Variants in SGPP2 observed in about 807,000 individuals in gnomAD.
SGPP2 encodes sphingosine 1-phosphate phosphohydrolase 2.
Under a neutral mutation model 33.9 loss-of-function variants are expected in SGPP2, and 30 were observed. That is an observed-to-expected ratio of 0.89 (90% confidence interval 0.66 to 1.20). The LOEUF (loss-of-function observed/expected upper bound fraction) is 1.20. Ranked by LOEUF, SGPP2 falls within the 50% of genes most tolerant of loss-of-function variation. The pLI, the probability that SGPP2 is intolerant of heterozygous loss-of-function variation, is 0.00. For missense variants in SGPP2, 458 were observed against 532.1 expected, an observed-to-expected ratio of 0.86 and a Z score of 1.37; for synonymous variants, 233 against 225.0, an observed-to-expected ratio of 1.04 and a Z score of -0.32.
At chr2:222,556,556 C>T (rs1357816293) in intron 4 of SGPP2, among the ~76,000 whole-genome samples, 1 of 129,082 alleles carries the variant, frequency 7.7e-6, no homozygotes, top group Non-Finnish European at 1.7e-5. Flanking sequence ...CACCCTCACT[C>T]CTCCCCCATC....
intron 1 of SGPP2, among the ~76,000 whole-genome samples, chr2:222,450,207 C>G (rs1003311498): frequency 6.6e-6 from 1 of 152,200 alleles, no homozygotes; most frequent in Admixed American, 6.5e-5. Context: ...ACGTTATTTA[C>G]TAGCAGACCA....
At chr2:222,427,270 T>A (rs1697084812) in intron 1 of SGPP2, among the ~76,000 whole-genome samples, 1 of 152,220 alleles carries the variant, frequency 6.6e-6, no homozygotes, top group Non-Finnish European at 1.5e-5. Flanking sequence ...TTTTAAACTT[T>A]TTTTTTAAGA....
At chr2:222,549,031 C>T (rs779805986) in intron 4 of SGPP2, among the ~76,000 whole-genome samples, 2 of 152,202 alleles carry the variant, frequency 1.3e-5, no homozygotes, top group South Asian at 2.1e-4. Flanking sequence ...ACAAAGCATT[C>T]GCAGCATCTG....
chr2:222,466,353 G>A (rs1697745769), intron 1 of SGPP2, among the ~76,000 whole-genome samples: 1 of 150,922 alleles, frequency 6.6e-6, no homozygotes, highest in African/African-American at 2.4e-5. Context: ...CCACCTCCTG[G>A]GTTCAAGCGA....
chr2:222,507,291 T>C (rs1244141266), intron 2 of SGPP2, among the ~76,000 whole-genome samples: 1 of 152,114 alleles, frequency 6.6e-6, no homozygotes, highest in Non-Finnish European at 1.5e-5. Flanking sequence ...GAAAGAGTCT[T>C]TGGTTAGTAA....
intron 1 of SGPP2, among the ~76,000 whole-genome samples, chr2:222,470,548 G>A (rs1697822474): frequency 6.6e-6 from 1 of 152,212 alleles, no homozygotes; most frequent in African/African-American, 2.4e-5. Flanking sequence ...CCTGTCTAAA[G>A]ATATTAGTTA....
chr2:222,425,232 T>G, intron 1 of SGPP2, among the ~76,000 whole-genome samples: 1 of 135,554 alleles, frequency 7.4e-6, no homozygotes. Context: ...CCCATCCCCC[T>G]TCCCTGATGC....
chr2:222,509,142 A>T (rs1048045677), intron 2 of SGPP2, among the ~76,000 whole-genome samples: 3 of 152,074 alleles, frequency 2.0e-5, no homozygotes, highest in Admixed American at 1.3e-4. Flanking sequence ...AAAAAAAAAG[A>T]CTGAACATTG....
chr2:222,555,815 TAAGTA>T (rs1689387067), intron 4 of SGPP2, among the ~76,000 whole-genome samples: 1 of 152,138 alleles, frequency 6.6e-6, no homozygotes, highest in Non-Finnish European at 1.5e-5. Flanking sequence ...AAAGGTCTGA[TAAGTA>T]AAGGGTTTAA....
chr2:222,429,756 C>T (rs1196283239), intron 1 of SGPP2, among the ~76,000 whole-genome samples: 1 of 152,094 alleles, frequency 6.6e-6, no homozygotes, highest in East Asian at 1.9e-4. Context: ...ATAAAATGTC[C>T]AGACTTGAAA....
chr2:222,440,230 G>A (rs1697303661), intron 1 of SGPP2, among the ~76,000 whole-genome samples: 1 of 152,220 alleles, frequency 6.6e-6, no homozygotes. Context: ...ACTGACTGCT[G>A]CTATGTGCCA....
chr2:222,557,093 T>G (rs1689424608), intron 4 of SGPP2, among the ~76,000 whole-genome samples: 2 of 152,202 alleles, frequency 1.3e-5, no homozygotes, highest in Non-Finnish European at 2.9e-5. Context: ...TGGCGTGGGT[T>G]GGACTTTAGG....
chr2:222,488,743 G>A (rs1056653079), intron 2 of SGPP2, among the ~76,000 whole-genome samples: 1 of 152,210 alleles, frequency 6.6e-6, no homozygotes, highest in East Asian at 1.9e-4. Flanking sequence ...AGCTTAGGGG[G>A]ATGTGTGTGT....
At chr2:222,520,142 A>G (rs1698661254) in intron 2 of SGPP2, among the ~76,000 whole-genome samples, 1 of 152,198 alleles carries the variant, frequency 6.6e-6, no homozygotes. Flanking sequence ...AGCAGTGTAT[A>G]AGCATTTCCT....
chr2:222,524,950 T>C lies in SGPP2; in HGVS notation c.565T>C (p.Phe189Leu), dbSNP rs1425400873. The stretch of plus-strand genomic sequence containing the variant: ...TTTTCTCCTTCCCCCACAGTATCCA[T>C]TTGTGTTGGGACTGGTGATGGCCGT... ...ISTMDRYQYPFVLGLVMAVVF... is the reference protein window; with the variant it reads ...ISTMDRYQYPLVLGLVMAVVF... The change falls in exon 4 of 5, where the codon TTT becomes CTT. Residue 189 changes from phenylalanine (F) to leucine (L), a missense_variant. Coordinates refer to ENST00000321276, the MANE Select transcript of SGPP2 (RefSeq NM_152386.4). 2.5e-6 allele frequency: 4 copies of C among 1,613,560 alleles called. No homozygotes were observed. The South Asian group carries it at 4.4e-5, about 18-fold the overall frequency.
In SGPP2 at chr2:222,524,958, G is replaced by C. The variant is rs1358692270; in HGVS notation, c.573G>C (p.Leu191Phe). ...TMDRYQYPFV[L>F]GLVMAVVFST... ...TTCCCCCACAGTATCCATTTGTGTT[G>C]GGACTGGTGATGGCCGTGGTGTTTT... Residue 191 changes from leucine (L) to phenylalanine (F), a missense_variant, in exon 4 of 5, where the codon TTG becomes TTC. By Grantham distance (22) the Leu-to-Phe change is conservative. Coordinates refer to ENST00000321276, the MANE Select transcript of SGPP2 (RefSeq NM_152386.4). 6.2e-7 allele frequency: 1 copy of C among 1,613,792 alleles called. No homozygotes were observed. Among genetic ancestry groups the C allele is most frequent in the East Asian group, 2.2e-5 (1 of 44,876 alleles).
At chr2:222,543,936 T>A (rs1689133943) in intron 4 of SGPP2, among the ~76,000 whole-genome samples, 1 of 152,228 alleles carries the variant, frequency 6.6e-6, no homozygotes, top group Non-Finnish European at 1.5e-5. Context: ...GTATCTTTTG[T>A]AATATTGACT....
chr2:222,483,751 C>T (rs993557396), intron 2 of SGPP2, among the ~76,000 whole-genome samples: 19 of 152,210 alleles, frequency 1.2e-4, no homozygotes, highest in Non-Finnish European at 1.5e-5. Context: ...CTGTAATTCA[C>T]AATCCTTAGA....
At chr2:222,553,930 T>C (rs529545851) in intron 4 of SGPP2, among the ~76,000 whole-genome samples, 1 of 152,224 alleles carries the variant, frequency 6.6e-6, no homozygotes, top group African/African-American at 2.4e-5. Flanking sequence ...AGAATTCTTA[T>C]GCCTTTAAAA....
Sources: allele counts gnomAD v4.1 joint callset (sites outside exome capture counted in the v4.1 genomes callset), GRCh38; gene constraint gnomAD v4.1.1; transcripts MANE v1.5; gene names NCBI Gene and HGNC (gene_info 2026-07-23, HGNC 2026-07-21).